Variants in ABTB3 observed in about 807,000 individuals in gnomAD.
ABTB3 encodes ankyrin repeat- and BTB/POZ domain-containing protein 3.
chr12:107,597,676 C>T, the ABTB3 span, among the ~76,000 whole-genome samples: 2 of 152,140 alleles, frequency 1.3e-5, no homozygotes, highest in Admixed American at 1.3e-4. Context: ...GATAGATGGC[C>T]AGCTGCCATA....
the ABTB3 span, chr12:107,319,375 A>C: frequency 6.3e-7 from 1 of 1,578,564 alleles, no homozygotes; most frequent in Non-Finnish European, 8.6e-7. Flanking sequence ...GCATAGCCAA[A>C]GAGGCGCAGC....
chr12:107,537,215 A>T, the ABTB3 span, among the ~76,000 whole-genome samples: 1 of 152,202 alleles, frequency 6.6e-6, no homozygotes, highest in Non-Finnish European at 1.5e-5. Context: ...CATTATAGAC[A>T]TTAGAAGCCT....
chr12:107,583,251 A>T, the ABTB3 span, among the ~76,000 whole-genome samples: 5 of 152,306 alleles, frequency 3.3e-5, no homozygotes, highest in East Asian at 9.6e-4. Flanking sequence ...TTTTTAACTA[A>T]AGTCCCCGAG....
At chr12:107,439,119 A>C in the ABTB3 span, among the ~76,000 whole-genome samples, 1 of 152,158 alleles carries the variant, frequency 6.6e-6, no homozygotes, top group African/African-American at 2.4e-5. Context: ...ACAGTCACCC[A>C]CACACATGAA....
the ABTB3 span, among the ~76,000 whole-genome samples, chr12:107,440,274 C>A: frequency 4.1e-4 from 63 of 152,336 alleles, no homozygotes; most frequent in African/African-American, 1.4e-3. Flanking sequence ...CAGGTTCACA[C>A]CTTGGTGTCC....
chr12:107,368,687 A>C, the ABTB3 span, among the ~76,000 whole-genome samples: 2 of 152,146 alleles, frequency 1.3e-5, no homozygotes, highest in Non-Finnish European at 2.9e-5. Flanking sequence ...TGGAACTGCT[A>C]TGCCAGTCTA....
the ABTB3 span, among the ~76,000 whole-genome samples, chr12:107,507,604 G>C: frequency 1.3e-5 from 2 of 152,210 alleles, no homozygotes; most frequent in South Asian, 2.1e-4. Context: ...TGAGCCCCTC[G>C]ATGCTCCCCT....
the ABTB3 span, among the ~76,000 whole-genome samples, chr12:107,414,623 C>T: frequency 6.6e-6 from 1 of 152,058 alleles, no homozygotes; most frequent in African/African-American, 2.4e-5. Flanking sequence ...AATTGATCAT[C>T]ATTTGCACCC....
At chr12:107,561,027 C>T in the ABTB3 span, among the ~76,000 whole-genome samples, 2 of 152,198 alleles carry the variant, frequency 1.3e-5, no homozygotes, top group African/African-American at 4.8e-5. Flanking sequence ...TTCAGACCTG[C>T]TCAGGAATTT....
the ABTB3 span, among the ~76,000 whole-genome samples, chr12:107,555,488 G>C: frequency 0.049 from 7,502 of 152,218 alleles, 276 homozygotes; most frequent in Non-Finnish European, 0.073. Context: ...TCAATGTCCA[G>C]GTCTTTTTGG....
chr12:107,617,346 C>T, the ABTB3 span: 1 of 1,613,984 alleles, frequency 6.2e-7, no homozygotes, highest in African/African-American at 1.3e-5. Flanking sequence ...GGTGCCGATC[C>T]CCTGATAGGA....
chr12:107,557,308 A>G, the ABTB3 span, among the ~76,000 whole-genome samples: 1 of 149,598 alleles, frequency 6.7e-6, no homozygotes, highest in African/African-American at 2.4e-5. Flanking sequence ...ACTGTAGGAA[A>G]TTAACATAGT....
chr12:107,554,175 G>T, the ABTB3 span, among the ~76,000 whole-genome samples: 1 of 152,192 alleles, frequency 6.6e-6, no homozygotes, highest in African/African-American at 2.4e-5. Context: ...ACCTGCAGAT[G>T]AGAACATTAA....
At chr12:107,369,713 T>C in the ABTB3 span, among the ~76,000 whole-genome samples, 6 of 144,064 alleles carry the variant, frequency 4.2e-5, no homozygotes, top group Non-Finnish European at 9.1e-5. Flanking sequence ...CATGGTTTTT[T>C]TTTTTTTTTT....
chr12:107,488,387 GAA>G, the ABTB3 span, among the ~76,000 whole-genome samples: 3 of 151,420 alleles, frequency 2.0e-5, no homozygotes, highest in Admixed American at 6.6e-5. Context: ...GCTTTCAAAA[GAA>G]AAAAAAGTGT....
At chr12:107,649,498 C>G in the ABTB3 span, 2 of 530,258 alleles carry the variant, frequency 3.8e-6, no homozygotes, top group East Asian at 6.2e-5. Context: ...TGCTAGTGCA[C>G]TTGCTTGCCT....
chr12:107,404,908 C>A, the ABTB3 span, among the ~76,000 whole-genome samples: 1 of 152,202 alleles, frequency 6.6e-6, no homozygotes, highest in South Asian at 2.1e-4. Flanking sequence ...TAGCCTCCTA[C>A]AGGGAAGGCA....
chr12:107,403,246 G>A, the ABTB3 span, among the ~76,000 whole-genome samples: 2 of 152,202 alleles, frequency 1.3e-5, no homozygotes, highest in Non-Finnish European at 2.9e-5. Context: ...GCAGAGAAAT[G>A]TTCATATCGC....
At chr12:107,593,620 T>C in the ABTB3 span, among the ~76,000 whole-genome samples, 1 of 152,222 alleles carries the variant, frequency 6.6e-6, no homozygotes, top group African/African-American at 2.4e-5. Flanking sequence ...GTGGAATGGA[T>C]TAATTAGGAT....
Sources: allele counts gnomAD v4.1 joint callset (sites outside exome capture counted in the v4.1 genomes callset), GRCh38; gene constraint gnomAD v4.1.1; transcripts MANE v1.5; gene names NCBI Gene and HGNC (gene_info 2026-07-23, HGNC 2026-07-21).